The following SEMA3C variants were observed in gnomAD, a reference collection of about 807,000 sequenced individuals.
The protein encoded by SEMA3C is semaphorin-3C.
A neutral mutation model predicts 89.4 loss-of-function variants in SEMA3C; 47 were observed. The observed-to-expected ratio is 0.53, with a 90% CI of 0.42 to 0.67. The LOEUF (loss-of-function observed/expected upper bound fraction) is 0.67. SEMA3C is among the 30% of genes least tolerant of loss of function. SEMA3C has a pLI of 0.00. For missense variants in SEMA3C, 839 were observed against 929.1 expected, an observed-to-expected ratio of 0.90 and a Z score of 1.26; for synonymous variants, 310 against 320.2, an observed-to-expected ratio of 0.97 and a Z score of 0.34.
intron 11 of SEMA3C, chr7:80,793,612 C>A: frequency 2.8e-6 from 1 of 359,958 alleles, no homozygotes; most frequent in Non-Finnish European, 5.4e-6. Context: ...TCCCTACATA[C>A]TCAAGAGGCA....
intron 12 of SEMA3C, among the ~76,000 whole-genome samples, chr7:80,788,324 T>C (rs1788851878): frequency 6.6e-6 from 1 of 152,206 alleles, no homozygotes; most frequent in Non-Finnish European, 1.5e-5. Context: ...TCAGTTCCTA[T>C]AAGGTAGTTA....
In SEMA3C at chr7:80,824,473, A is replaced by C. The variant is rs766442489; in HGVS notation, c.327+2952T>G. Among the ~76,000 whole-genome samples, 7 of 152,188 alleles carry C rather than the reference A, an allele frequency of 4.6e-5. 1 individual carries two copies. The highest frequency in any genetic ancestry group is 3.3e-4 in the Admixed American group (5 of 15,264). ...CGGAAGATAATTGAAGGAAAAGAGAATCAATTGCATGCAGCACATACCAAA... is the reference window on the plus strand; with the variant it reads ...CGGAAGATAATTGAAGGAAAAGAGACTCAATTGCATGCAGCACATACCAAA... On this transcript the variant is annotated intron_variant, in intron 4 of 17. Transcript: ENST00000265361.
intron 15 of SEMA3C, among the ~76,000 whole-genome samples, chr7:80,753,327 A>G (rs1787981209): frequency 6.6e-6 from 1 of 152,170 alleles, no homozygotes; most frequent in African/African-American, 2.4e-5. Context: ...CCTACAGCCA[A>G]CTTCTGAGTA....
At chr7:80,850,804 T>C (rs1334190405) in intron 2 of SEMA3C, among the ~76,000 whole-genome samples, 2 of 152,216 alleles carry the variant, frequency 1.3e-5, no homozygotes, top group African/African-American at 2.4e-5. Context: ...AATCGATGCA[T>C]GCATAATCTC....
At chr7:80,791,943 G>A (rs1357604477) in intron 11 of SEMA3C, among the ~76,000 whole-genome samples, 3 of 152,104 alleles carry the variant, frequency 2.0e-5, no homozygotes, top group Admixed American at 1.3e-4. Flanking sequence ...ACTTTGACCA[G>A]TTAACATTAC....
chr7:80,754,964 T>TTTTGTTTTTTTGTTTTTTG (rs765917535), intron 15 of SEMA3C, among the ~76,000 whole-genome samples: 2 of 129,196 alleles, frequency 1.5e-5, no homozygotes, highest in Admixed American at 8.1e-5. Flanking sequence ...TTTGTTTTTT[T>TTTTGTTTTTTTGTTTTTTG]TTTTTTTGTA....
At chr7:80,863,339 T>A (rs866193629) in intron 2 of SEMA3C, among the ~76,000 whole-genome samples, 3,769 of 128,122 alleles carry the variant, frequency 0.029, 127 homozygotes, top group African/African-American at 0.094. Context: ...ATCAAAATAT[T>A]AAAAAAAAAA....
At position 80,863,483 on chromosome 7, in the gene SEMA3C, C is replaced by T. The variant is rs139009607; in HGVS notation, c.104-34738G>A. 6.7e-3 allele frequency among the ~76,000 whole-genome samples: 1,024 copies of T among 151,954 alleles called. 14 individuals are homozygous for T. The highest frequency in any genetic ancestry group is 0.023 in the African/African-American group (967 of 41,470). ...AAAGAACTGAAAGTAGGACTACCAT[C>T]TGATCCAGCAATCCCACTACTGGGT... is the stretch of plus-strand genomic sequence containing the variant. On this transcript the variant is annotated intron_variant, in intron 2 of 17. Transcript: ENST00000265361.
At chr7:80,878,768 T>C (rs1317084211) in intron 2 of SEMA3C, among the ~76,000 whole-genome samples, 2 of 152,026 alleles carry the variant, frequency 1.3e-5, no homozygotes, top group South Asian at 4.2e-4. Flanking sequence ...GATCACAGCA[T>C]AAAGATAGTG....
At chr7:80,749,607 T>C (rs1787879835) in intron 16 of SEMA3C, among the ~76,000 whole-genome samples, 1 of 152,218 alleles carries the variant, frequency 6.6e-6, no homozygotes, top group Non-Finnish European at 1.5e-5. Context: ...TACTACTGGC[T>C]GTGTAACCTC....
intron 2 of SEMA3C, among the ~76,000 whole-genome samples, chr7:80,911,570 T>C (rs1032268834): frequency 2.0e-5 from 3 of 152,026 alleles, no homozygotes; most frequent in Non-Finnish European, 4.4e-5. Flanking sequence ...AAGAGTTCAA[T>C]TTAGTAAACA....
intron 8 of SEMA3C, 85 bp from the exon 9 acceptor site, chr7:80,802,864 G>A (rs2115673699): frequency 1.1e-6 from 1 of 887,426 alleles, no homozygotes; most frequent in Non-Finnish European, 1.8e-6. Context: ...CTAGTTGCTT[G>A]GAGGATGAAA....
At chr7:80,760,941 AC>A (rs1047247568) in intron 14 of SEMA3C, among the ~76,000 whole-genome samples, 3 of 152,086 alleles carry the variant, frequency 2.0e-5, no homozygotes, top group African/African-American at 7.2e-5. Context: ...TTTAAATAAT[AC>A]CTTTTGGAAA....
At chr7:80,919,351 C>T (rs551480986), upstream of SEMA3C, 22 of 985,298 alleles carry the variant, frequency 2.2e-5, no homozygotes, top group South Asian at 5.2e-4. Flanking sequence ...TTTCGCAGTC[C>T]GCGGCGGAGT....
At chr7:80,801,723 C>T (rs1332381133) in intron 9 of SEMA3C, among the ~76,000 whole-genome samples, 2 of 151,608 alleles carry the variant, frequency 1.3e-5, no homozygotes, top group African/African-American at 4.8e-5. Context: ...CAATGTCTAG[C>T]TCTCCCTAAA....
At chr7:80,755,906 A>T (rs774567345) in intron 15 of SEMA3C, among the ~76,000 whole-genome samples, 1 of 152,190 alleles carries the variant, frequency 6.6e-6, no homozygotes, top group Non-Finnish European at 1.5e-5. Flanking sequence ...GAAATTCTAG[A>T]TAGACATCAA....
At chr7:80,889,412 T>G (rs1288477617) in intron 2 of SEMA3C, among the ~76,000 whole-genome samples, 4 of 152,184 alleles carry the variant, frequency 2.6e-5, no homozygotes, top group Non-Finnish European at 4.4e-5. Context: ...CTTCAAATAA[T>G]TACTTATTAA....
intron 2 of SEMA3C, among the ~76,000 whole-genome samples, chr7:80,863,722 TATATATATCACATATATA>T (rs1178686276): frequency 2.6e-4 from 39 of 148,182 alleles, no homozygotes; most frequent in Non-Finnish European, 5.1e-4. Flanking sequence ...ATATCACAGA[TATATATATCACATATATA>T]GTAGTATTCC....
At chr7:80,856,050 A>C (rs965239989) in intron 2 of SEMA3C, among the ~76,000 whole-genome samples, 2 of 152,170 alleles carry the variant, frequency 1.3e-5, no homozygotes, top group African/African-American at 4.8e-5. Flanking sequence ...CATCGTTTTT[A>C]ATAGTATTTC....
Sources: gnomAD v4.1 joint callset for allele counts (sites outside exome capture counted in the v4.1 genomes callset) on GRCh38, gnomAD v4.1.1 for gene constraint, MANE v1.5 for transcripts, NCBI Gene and HGNC (gene_info 2026-07-23, HGNC 2026-07-21) for gene names.